The following ST8SIA6 variants were observed in gnomAD, a reference collection of about 807,000 sequenced individuals.
The protein encoded by ST8SIA6 is alpha-2,8-sialyltransferase 8F.
Under a neutral mutation model 33.6 loss-of-function variants are expected in ST8SIA6, and 39 were observed. That is an observed-to-expected ratio of 1.16 (90% CI 0.90 to 1.52). The LOEUF (loss-of-function observed/expected upper bound fraction) is 1.52, where lower values mean the gene tolerates loss of function less well. Ranked by LOEUF, ST8SIA6 falls within the 40% of genes most tolerant of loss-of-function variation. ST8SIA6 has a pLI of 0.00. For missense variants in ST8SIA6, 441 were observed against 443.8 expected (o/e 0.99, Z 0.06); for synonymous variants, 172 against 167.2 (o/e 1.03, Z -0.22).
chr10:17,352,121 A>G (rs1248818393), intron 4 of ST8SIA6, among the ~76,000 whole-genome samples: 1 of 152,176 alleles, frequency 6.6e-6, no homozygotes. Context: ...CAGTGTATGC[A>G]TATATCTAAA....
At chr10:17,435,854 A>G (rs1852237948) in intron 2 of ST8SIA6, among the ~76,000 whole-genome samples, 1 of 152,154 alleles carries the variant, frequency 6.6e-6, no homozygotes. Flanking sequence ...TGCACTTCAA[A>G]AAGTTACATC....
At chr10:17,331,602 C>A in intron 4 of ST8SIA6, 50 bp from the exon 5 acceptor site, 1 of 1,553,612 alleles carries the variant, frequency 6.4e-7, no homozygotes, top group Non-Finnish European at 8.7e-7. Flanking sequence ...ATTAAGAAAC[C>A]GAAAATGCAG....
chr10:17,429,673 T>TG (rs1352213343), intron 2 of ST8SIA6, among the ~76,000 whole-genome samples: 4 of 151,554 alleles, frequency 2.6e-5, no homozygotes, highest in South Asian at 2.1e-4. Context: ...TGTGTAGAGA[T>TG]GGGGTCTCAC....
intron 3 of ST8SIA6, among the ~76,000 whole-genome samples, chr10:17,369,117 C>A (rs1849652872): frequency 6.6e-6 from 1 of 152,174 alleles, no homozygotes. Flanking sequence ...CCACACAATT[C>A]ACCCATCATA....
chr10:17,354,088 A>G (rs939577089), intron 4 of ST8SIA6, among the ~76,000 whole-genome samples: 1 of 152,182 alleles, frequency 6.6e-6, no homozygotes, highest in Admixed American at 6.5e-5. Context: ...TACCTAGGGA[A>G]TCTAAGACTA....
intron 2 of ST8SIA6, among the ~76,000 whole-genome samples, chr10:17,439,801 A>G (rs1256078482): frequency 6.6e-6 from 1 of 152,206 alleles, no homozygotes; most frequent in African/African-American, 2.4e-5. Context: ...GAATCACTAC[A>G]AGGCATGCTG....
chr10:17,392,421 G>C (rs2131665318), intron 2 of ST8SIA6, among the ~76,000 whole-genome samples: 1 of 152,234 alleles, frequency 6.6e-6, no homozygotes, highest in East Asian at 1.9e-4. Flanking sequence ...CAGCACTTTG[G>C]GGAGCTGAGG....
Position 17,317,420 on chromosome 10 carries a change from T to A in ST8SIA6, c.*3458A>T, listed in dbSNP as rs1043308356. ...GTAAATAGGAAATCTTCAACACTCC[T>A]AGCAGCCTCAAGTGGATTTATCAGA... is the stretch of plus-strand genomic sequence containing the variant. On this transcript the variant is annotated 3_prime_UTR_variant, in exon 8 of 8. Coordinates refer to ENST00000377602, the MANE Select transcript of ST8SIA6 (RefSeq NM_001004470.3). 6.6e-6 allele frequency among the ~76,000 whole-genome samples: 1 copy of A among 152,174 alleles called. No homozygotes were observed. The highest frequency in any genetic ancestry group is 2.4e-5 in the African/African-American group (1 of 41,452).
intron 3 of ST8SIA6, among the ~76,000 whole-genome samples, chr10:17,361,835 T>A (rs1172250600): frequency 6.6e-6 from 1 of 152,116 alleles, no homozygotes; most frequent in African/African-American, 2.4e-5. Flanking sequence ...TGTGACCTAC[T>A]GAGGGGTATA....
chr10:17,402,438 C>T (rs1376321834), intron 2 of ST8SIA6, among the ~76,000 whole-genome samples: 1 of 152,272 alleles, frequency 6.6e-6, no homozygotes, highest in Non-Finnish European at 1.5e-5. Flanking sequence ...GGTATATACC[C>T]AAAGGATTAT....
intron 3 of ST8SIA6, among the ~76,000 whole-genome samples, chr10:17,365,285 C>A (rs1849522787): frequency 6.6e-6 from 1 of 152,164 alleles, no homozygotes; most frequent in South Asian, 2.1e-4. Context: ...GACCCACATG[C>A]TGTGACTACT....
intron 2 of ST8SIA6, among the ~76,000 whole-genome samples, chr10:17,401,874 A>G (rs1851054184): frequency 6.7e-6 from 1 of 150,044 alleles, no homozygotes; most frequent in Non-Finnish European, 1.5e-5. Context: ...AGGCATGGGC[A>G]GGGACTTCAT....
chr10:17,383,063 T>C (rs1419609345), intron 3 of ST8SIA6, among the ~76,000 whole-genome samples: 1 of 152,178 alleles, frequency 6.6e-6, no homozygotes, highest in Non-Finnish European at 1.5e-5. Flanking sequence ...CTTCATGCTG[T>C]TTTTATTAGG....
chr10:17,325,138 A>T (rs866306844), intron 6 of ST8SIA6, among the ~76,000 whole-genome samples: 1 of 141,360 alleles, frequency 7.1e-6, no homozygotes, highest in Non-Finnish European at 1.5e-5. Flanking sequence ...TTATAGATTT[A>T]TAAAATGTAT....
intron 2 of ST8SIA6, among the ~76,000 whole-genome samples, chr10:17,433,497 T>C (rs1166671827): frequency 6.6e-6 from 1 of 152,222 alleles, no homozygotes; most frequent in African/African-American, 2.4e-5. Flanking sequence ...TTAATGTTCA[T>C]GATAGACCCC....
Position 17,323,096 on chromosome 10 carries a change from C to A in ST8SIA6, c.697G>T (p.Val233Leu). ...SKDVGSKTNLVTINPSIITLK... is the reference protein window; with the variant it reads ...SKDVGSKTNLLTINPSIITLK... ...GTTATGATGCTTGGATTTATAGTCA[C>A]AAGATTTGTTTTACTGCCAACATCT... is the stretch of plus-strand genomic sequence containing the variant. The change falls in exon 7 of 8, where the codon GTG (valine) becomes TTG (leucine). Residue 233 changes from valine to leucine, a missense_variant. Coordinates refer to ENST00000377602, the MANE Select transcript of ST8SIA6 (RefSeq NM_001004470.3). The A allele has an allele frequency of 6.2e-7, 1 of 1,613,738 alleles. No homozygotes were observed. The highest frequency in any genetic ancestry group is 2.2e-5 in the East Asian group (1 of 44,842).
intron 3 of ST8SIA6, among the ~76,000 whole-genome samples, chr10:17,385,427 A>C (rs1850299144): frequency 6.6e-6 from 1 of 152,196 alleles, no homozygotes; most frequent in Non-Finnish European, 1.5e-5. Flanking sequence ...TTGTGTGAGC[A>C]ATAAAGCTTT....
intron 2 of ST8SIA6, among the ~76,000 whole-genome samples, chr10:17,431,968 G>T (rs1852115544): frequency 6.6e-6 from 1 of 152,136 alleles, no homozygotes; most frequent in African/African-American, 2.4e-5. Flanking sequence ...CGGAAAGTAG[G>T]GATAGGAGTG....
chr10:17,317,263 AAAG>A lies in ST8SIA6; in HGVS notation c.*3612_*3614del, dbSNP rs768562757. ...TATATCACCCACATTTTTTTTATAA[AAAG>A]AAGAATGCTTCTGGAAGAGTGATGA... On this transcript the variant is annotated 3_prime_UTR_variant, in exon 8 of 8. Coordinates refer to ENST00000377602, the MANE Select transcript of ST8SIA6 (RefSeq NM_001004470.3). 1.1e-4 allele frequency among the ~76,000 whole-genome samples: 17 copies of A among 152,190 alleles called. No individual in the cohort carries two copies. Among genetic ancestry groups the A allele is most frequent in the Non-Finnish European group, 1.6e-4 (11 of 68,030 alleles).
Sources: gnomAD v4.1 joint callset for allele counts (sites outside exome capture counted in the v4.1 genomes callset) on GRCh38, gnomAD v4.1.1 for gene constraint, MANE v1.5 for transcripts, NCBI Gene and HGNC (gene_info 2026-07-23, HGNC 2026-07-21) for gene names.